Variants in RBFOX1 observed in about 807,000 individuals in gnomAD.
RBFOX1 encodes RNA binding protein fox-1 homolog 1.
RBFOX1 carries 8 observed loss-of-function variants against 57.7 expected under a neutral mutation model. That is an observed-to-expected ratio of 0.14 (90% CI 0.08 to 0.25). The LOEUF is 0.25. Ranked by LOEUF, RBFOX1 falls within the 10% of genes least tolerant of loss-of-function variation. The pLI is 1.00. For synonymous variants in RBFOX1, 326 were observed against 222.4 expected (o/e 1.47, Z -4.15); for missense variants, 611 against 548.5 (o/e 1.11, Z -1.14).
Position 7,693,388 on chromosome 16 carries a change from T to C in RBFOX1, c.996-15668T>C, listed in dbSNP as rs751877759. On this transcript the variant is annotated intron_variant, in intron 14 of 15. Transcript: ENST00000550418. ...TGCAGGTAACAAACGTTGCTACTTC[T>C]TGATGCATCCATCCAAGTCTCAGTA... The C allele has an allele frequency of 1.0e-5, 16 of 1,592,938 alleles. No homozygotes were observed. In the Admixed American group the frequency reaches 2.0e-4, roughly 20 times the overall value.
At chr16:6,872,567 AAGAT>A (rs1475110491) in intron 3 of RBFOX1, among the ~76,000 whole-genome samples, 1 of 152,168 alleles carries the variant, frequency 6.6e-6, no homozygotes, top group Non-Finnish European at 1.5e-5. Context: ...TCTTTAAAAA[AAGAT>A]AAGAACGTTT....
intron 2 of RBFOX1, among the ~76,000 whole-genome samples, chr16:6,491,965 C>G (rs886787029): frequency 6.6e-6 from 1 of 152,066 alleles, no homozygotes. Context: ...GCAAATTATG[C>G]AAGTGGCTGG....
chr16:5,521,545 T>C (rs754360937), intron 2 of RBFOX1, among the ~76,000 whole-genome samples: 3 of 152,090 alleles, frequency 2.0e-5, no homozygotes, highest in Non-Finnish European at 2.9e-5. Context: ...GGTCAGTGAG[T>C]GAGGCCGCCA....
chr16:6,846,814 C>A (rs2093779622), intron 3 of RBFOX1, among the ~76,000 whole-genome samples: 1 of 151,838 alleles, frequency 6.6e-6, no homozygotes, highest in African/African-American at 2.4e-5. Context: ...TTGTAAGCAG[C>A]TGCTTTAATA....
At chr16:5,325,453 G>A (rs912430134) in intron 1 of RBFOX1, among the ~76,000 whole-genome samples, 5 of 152,084 alleles carry the variant, frequency 3.3e-5, no homozygotes, top group South Asian at 2.1e-4. Context: ...TTAAATTAAC[G>A]TACAGTAAAA....
chr16:6,386,879 G>A (rs999246460), intron 2 of RBFOX1, among the ~76,000 whole-genome samples: 1 of 152,172 alleles, frequency 6.6e-6, no homozygotes, highest in Non-Finnish European at 1.5e-5. Flanking sequence ...GAGAAAGGCG[G>A]AGAGCTGGAA....
At chr16:6,507,539 G>A (rs1233862192) in intron 2 of RBFOX1, among the ~76,000 whole-genome samples, 1 of 145,918 alleles carries the variant, frequency 6.9e-6, no homozygotes, top group African/African-American at 2.5e-5. Context: ...TGGCATAGTG[G>A]CACACACTTG....
chr16:6,755,408 G>T (rs1456107112), intron 3 of RBFOX1, among the ~76,000 whole-genome samples: 1 of 152,168 alleles, frequency 6.6e-6, no homozygotes, highest in Non-Finnish European at 1.5e-5. Flanking sequence ...ACTGGTGTGA[G>T]ATGGTATCTC....
intron 3 of RBFOX1, among the ~76,000 whole-genome samples, chr16:5,780,068 A>C (rs982053300): frequency 5.3e-5 from 8 of 152,228 alleles, no homozygotes; most frequent in African/African-American, 1.9e-4. Flanking sequence ...TAGTGGCACA[A>C]TCTCGGCTCA....
intron 4 of RBFOX1, among the ~76,000 whole-genome samples, chr16:7,199,358 G>A (rs1473971995): frequency 1.3e-5 from 2 of 151,990 alleles, no homozygotes; most frequent in Non-Finnish European, 2.9e-5. Context: ...TTGAAAAATC[G>A]AATGGTAATC....
intron 2 of RBFOX1, among the ~76,000 whole-genome samples, chr16:6,467,507 A>G (rs541777826): frequency 1.1e-4 from 16 of 152,316 alleles, no homozygotes; most frequent in Non-Finnish European, 2.1e-4. Context: ...ATCCCCTAGA[A>G]GTATACTATG....
chr16:5,792,149 A>C (rs2054723865), intron 3 of RBFOX1, among the ~76,000 whole-genome samples: 1 of 152,202 alleles, frequency 6.6e-6, no homozygotes, highest in Non-Finnish European at 1.5e-5. Flanking sequence ...ACCCCAGTCT[A>C]AGGGGCTGAT....
chr16:7,261,573 GT>G (rs1417888281), intron 4 of RBFOX1, among the ~76,000 whole-genome samples: 1 of 152,122 alleles, frequency 6.6e-6, no homozygotes. Context: ...TCATCAAACC[GT>G]GCTTTAAAGA....
intron 4 of RBFOX1, among the ~76,000 whole-genome samples, chr16:7,238,764 C>G (rs1248411018): frequency 1.3e-5 from 2 of 152,162 alleles, no homozygotes; most frequent in African/African-American, 2.4e-5. Context: ...GTACCCATTA[C>G]TTGTTTCTCC....
intron 3 of RBFOX1, among the ~76,000 whole-genome samples, chr16:6,723,461 T>G (rs1258851283): frequency 1.3e-5 from 2 of 152,182 alleles, no homozygotes; most frequent in African/African-American, 2.4e-5. Context: ...GGCATAATGT[T>G]ATGTATTATA....
At chr16:6,478,429 ATT>A (rs58352204) in intron 2 of RBFOX1, among the ~76,000 whole-genome samples, 73 of 24,596 alleles carry the variant, frequency 3.0e-3, no homozygotes, top group East Asian at 0.013. Flanking sequence ...ATATATATAT[ATT>A]TTTTTTTTTT....
At chr16:5,983,250 C>A (rs1017795674) in intron 4 of RBFOX1, among the ~76,000 whole-genome samples, 31 of 152,170 alleles carry the variant, frequency 2.0e-4, no homozygotes, top group African/African-American at 7.2e-4. Context: ...CCATTGTGTG[C>A]GCCACTGAAT....
At chr16:7,541,392 T>C (rs143057839) in intron 5 of RBFOX1, among the ~76,000 whole-genome samples, 1,536 of 152,290 alleles carry the variant, frequency 0.01, 12 homozygotes, top group Non-Finnish European at 0.018. Flanking sequence ...GCTCCACTGA[T>C]AGGAGATTGC....
chr16:6,980,909 G>C (rs2088607190), intron 3 of RBFOX1, among the ~76,000 whole-genome samples: 1 of 151,818 alleles, frequency 6.6e-6, no homozygotes, highest in Non-Finnish European at 1.5e-5. Flanking sequence ...TGGGCATGGT[G>C]GTGTGTGCTT....
Sources: allele counts gnomAD v4.1 joint callset (sites outside exome capture counted in the v4.1 genomes callset), GRCh38; gene constraint gnomAD v4.1.1; transcripts MANE v1.5; gene names NCBI Gene and HGNC (gene_info 2026-07-23, HGNC 2026-07-21).